The following FSTL4 variants were observed in gnomAD, a reference collection of about 807,000 sequenced individuals.
FSTL4 encodes the protein follistatin-related protein 4.
FSTL4 carries 28 observed loss-of-function variants against 78.2 expected under a neutral mutation model. The observed-to-expected ratio is 0.36, with a 90% CI of 0.27 to 0.49. FSTL4 has a LOEUF of 0.49. Among genes scored for constraint, FSTL4 ranks in the 20% least tolerant of loss-of-function variants. FSTL4 has a pLI of 0.98. For synonymous variants in FSTL4, 422 were observed against 440.5 expected, an observed-to-expected ratio of 0.96 and a Z score of 0.53; for missense variants, 922 against 1,084.9, an observed-to-expected ratio of 0.85 and a Z score of 2.11.
At chr5:133,211,815 T>C (rs1366886701) in intron 13 of FSTL4, among the ~76,000 whole-genome samples, 2 of 152,182 alleles carry the variant, frequency 1.3e-5, no homozygotes, top group African/African-American at 4.8e-5. Context: ...AATAACCCTC[T>C]ATACTCTGAT....
chr5:133,435,296 T>A (rs185407926), intron 3 of FSTL4, among the ~76,000 whole-genome samples: 1 of 152,362 alleles, frequency 6.6e-6, no homozygotes, highest in Non-Finnish European at 1.5e-5. Flanking sequence ...CACAAAATAC[T>A]CAAGTAATTC....
intron 4 of FSTL4, among the ~76,000 whole-genome samples, chr5:133,325,532 G>A (rs56930360): frequency 0.061 from 9,237 of 152,172 alleles, 364 homozygotes; most frequent in East Asian, 0.19. Context: ...GCCACTGCTG[G>A]AAGCAATCCC....
At chr5:133,287,581 C>T (rs918337922) in intron 6 of FSTL4, among the ~76,000 whole-genome samples, 2 of 152,064 alleles carry the variant, frequency 1.3e-5, no homozygotes, top group African/African-American at 4.8e-5. Context: ...CATAGGCATC[C>T]CAACCAGCTC....
At chr5:133,268,204 T>C (rs1456942921) in intron 6 of FSTL4, among the ~76,000 whole-genome samples, 1 of 152,150 alleles carries the variant, frequency 6.6e-6, no homozygotes, top group Non-Finnish European at 1.5e-5. Context: ...ATGAGCACTG[T>C]CTTCACCAAG....
intron 3 of FSTL4, among the ~76,000 whole-genome samples, chr5:133,445,338 G>A (rs952160225): frequency 5.9e-5 from 9 of 151,490 alleles, no homozygotes; most frequent in Non-Finnish European, 8.9e-5. Context: ...AGCACAGGCC[G>A]GGGAGTGCTC....
chr5:133,782,940 G>A, the FSTL4 span, among the ~76,000 whole-genome samples: 123 of 152,314 alleles, frequency 8.1e-4, no homozygotes, highest in African/African-American at 2.8e-3. Flanking sequence ...ACTTTCCTCT[G>A]TCAGGGACTT....
At chr5:133,708,556 A>C in the FSTL4 span, among the ~76,000 whole-genome samples, 2 of 152,204 alleles carry the variant, frequency 1.3e-5, no homozygotes, top group Non-Finnish European at 2.9e-5. Context: ...CCATTAGAGC[A>C]GATACAACCT....
chr5:133,397,336 A>G (rs1372676651), intron 4 of FSTL4, among the ~76,000 whole-genome samples: 1 of 152,234 alleles, frequency 6.6e-6, no homozygotes, highest in Non-Finnish European at 1.5e-5. Flanking sequence ...AAGAAGAGAT[A>G]CATCTTTCCC....
chr5:133,316,909 T>C (rs17166560), intron 4 of FSTL4, among the ~76,000 whole-genome samples: 6,455 of 152,260 alleles, frequency 0.042, 443 homozygotes, highest in African/African-American at 0.14. Flanking sequence ...CAAATATTTG[T>C]TGAGCACCAC....
chr5:133,626,160 C>T, the FSTL4 span, among the ~76,000 whole-genome samples: 1 of 5,668 alleles, frequency 1.8e-4, no homozygotes, highest in Non-Finnish European at 3.0e-4. Flanking sequence ...ATATATATTC[C>T]ATATATATAT....
chr5:133,752,629 T>TAAAATA, the FSTL4 span, among the ~76,000 whole-genome samples: 111 of 151,448 alleles, frequency 7.3e-4, no homozygotes, highest in African/African-American at 2.5e-3. Flanking sequence ...AAAATAAAAT[T>TAAAATA]AAATTAAATT....
intron 3 of FSTL4, among the ~76,000 whole-genome samples, chr5:133,489,206 C>T (rs572306922): frequency 6.6e-6 from 1 of 152,346 alleles, no homozygotes; most frequent in Non-Finnish European, 1.5e-5. Flanking sequence ...CTCGGCTAAC[C>T]TTCTGTGGGG....
At chr5:133,603,804 A>G in intron 2 of FSTL4, 54 bp downstream of exon 2, 6 of 1,577,704 alleles carry the variant, frequency 3.8e-6, no homozygotes, top group African/African-American at 1.3e-5. Context: ...CAGATACTGT[A>G]ACATCGGAAA....
the FSTL4 span, among the ~76,000 whole-genome samples, chr5:133,780,403 C>T: frequency 2.6e-5 from 4 of 151,750 alleles, no homozygotes; most frequent in Non-Finnish European, 5.9e-5. Flanking sequence ...CCCTCCCTCC[C>T]ACCCTGTCAC....
At chr5:133,521,841 G>A (rs1428140923) in intron 3 of FSTL4, among the ~76,000 whole-genome samples, 3 of 152,152 alleles carry the variant, frequency 2.0e-5, no homozygotes, top group Non-Finnish European at 2.9e-5. Context: ...AAAGCCGCTA[G>A]ATGTTTTCAC....
intron 5 of FSTL4, among the ~76,000 whole-genome samples, chr5:133,314,346 G>A (rs73788052): frequency 0.047 from 7,161 of 152,288 alleles, 321 homozygotes; most frequent in East Asian, 0.21. Flanking sequence ...TGCCCCGGGG[G>A]CCATGGGCAG....
the FSTL4 span, among the ~76,000 whole-genome samples, chr5:133,718,574 A>C: frequency 1.2e-4 from 19 of 152,232 alleles, no homozygotes. Flanking sequence ...TGACGTAGAA[A>C]ATTTTATTCT....
chr5:133,218,676 C>T (rs940258276), intron 12 of FSTL4, among the ~76,000 whole-genome samples: 1 of 152,152 alleles, frequency 6.6e-6, no homozygotes, highest in Non-Finnish European at 1.5e-5. Flanking sequence ...AATGTTCTTC[C>T]CCAGATATCT....
chr5:133,420,312 G>A (rs549214357), intron 3 of FSTL4, among the ~76,000 whole-genome samples: 1 of 152,316 alleles, frequency 6.6e-6, no homozygotes, highest in East Asian at 1.9e-4. Flanking sequence ...TCTTGATTGA[G>A]TGATGGTATA....
Sources: gnomAD v4.1 joint callset for allele counts (sites outside exome capture counted in the v4.1 genomes callset) on GRCh38, gnomAD v4.1.1 for gene constraint, MANE v1.5 for transcripts, NCBI Gene and HGNC (gene_info 2026-07-23, HGNC 2026-07-21) for gene names.